FMN2: variants seen among roughly 807,000 people sequenced by gnomAD.
FMN2 encodes the protein formin 2, also known as formin-2.
Under a neutral mutation model 142.3 loss-of-function variants are expected in FMN2, and 51 were observed. The observed-to-expected ratio is 0.36, with a 90% CI of 0.29 to 0.45. FMN2 has a LOEUF of 0.45. FMN2 is among the 20% of genes least tolerant of loss of function. The pLI, the probability that FMN2 is intolerant of heterozygous loss-of-function variation, is 1.00. For missense variants in FMN2, 1,936 were observed against 2,122.8 expected (o/e 0.91, Z 1.73); for synonymous variants, 882 against 869.8 (o/e 1.01, Z -0.25).
chr1:240,396,055 C>T lies in FMN2; in HGVS notation c.4910+3493C>T, dbSNP rs190605197. Among the ~76,000 whole-genome samples the T allele has an allele frequency of 1.6e-3, 250 of 152,248 alleles. 3 individuals carry two copies. The highest frequency in any genetic ancestry group is 0.01 in the Middle Eastern group (3 of 294). ...CCAATCAATCAGTAGTCATCAACAT[C>T]AAAAAGATATTAAGTCACTGAAGAC... On this transcript the variant is annotated intron_variant, in intron 15 of 17. Transcript: ENST00000319653.
chr1:240,231,506 C>T (rs971152478), intron 6 of FMN2, among the ~76,000 whole-genome samples: 5 of 151,984 alleles, frequency 3.3e-5, no homozygotes, highest in East Asian at 3.9e-4. Context: ...ATTATACCAT[C>T]GGCTAAATTA....
chr1:240,432,456 A>T (rs1244952847), intron 15 of FMN2, among the ~76,000 whole-genome samples: 1 of 151,720 alleles, frequency 6.6e-6, no homozygotes, highest in Non-Finnish European at 1.5e-5. Context: ...CCAACTTCTG[A>T]CTGAGTTGAT....
In FMN2 at chr1:240,130,969, A is replaced by G. The variant is rs547573676; in HGVS notation, c.1782+7624A>G. On this transcript the variant is annotated intron_variant, in intron 2 of 17. Transcript: ENST00000319653. The stretch of plus-strand genomic sequence containing the variant: ...ATTAGGAACACAAAGATGAAAAGAA[A>G]GGTTCTATCCTGAACTGGCTTACGA... 4.6e-5 allele frequency among the ~76,000 whole-genome samples: 7 copies of G among 152,262 alleles called. No homozygotes were observed. The South Asian group carries it at 1.0e-3, about 23-fold the overall frequency.
At chr1:240,157,531 A>G (rs1448495139) in intron 2 of FMN2, among the ~76,000 whole-genome samples, 1 of 152,138 alleles carries the variant, frequency 6.6e-6, no homozygotes, top group Non-Finnish European at 1.5e-5. Flanking sequence ...CCAGTCAATG[A>G]TTATAATAAC....
At chr1:240,200,159 G>A (rs992205972) in intron 4 of FMN2, among the ~76,000 whole-genome samples, 1 of 152,148 alleles carries the variant, frequency 6.6e-6, no homozygotes, top group Admixed American at 6.6e-5. Context: ...ACAACAGAGC[G>A]CCTGGCAGTC....
At chr1:240,460,543 C>A (rs753245004) in intron 16 of FMN2, among the ~76,000 whole-genome samples, 16 of 152,222 alleles carry the variant, frequency 1.1e-4, no homozygotes, top group Admixed American at 2.6e-4. Flanking sequence ...TGCCACTGCA[C>A]TCCTGCCTGG....
chr1:240,343,746 A>G (rs981806604), intron 13 of FMN2, among the ~76,000 whole-genome samples: 3 of 152,208 alleles, frequency 2.0e-5, no homozygotes, highest in Non-Finnish European at 4.4e-5. Context: ...ATTTGCAGCA[A>G]TCTGACATGA....
intron 14 of FMN2, among the ~76,000 whole-genome samples, chr1:240,390,485 T>G (rs1216991670): frequency 6.6e-6 from 1 of 152,256 alleles, no homozygotes; most frequent in Non-Finnish European, 1.5e-5. Flanking sequence ...AAACTTACTT[T>G]ATTCCACTAA....
chr1:240,224,563 G>A (rs545346996), intron 6 of FMN2, among the ~76,000 whole-genome samples: 19 of 152,186 alleles, frequency 1.2e-4, no homozygotes, highest in Admixed American at 7.2e-4. Context: ...TTTCTGTCTC[G>A]TTGATCTGTC....
chr1:240,234,590 A>G (rs1667635341), intron 6 of FMN2, among the ~76,000 whole-genome samples: 1 of 152,176 alleles, frequency 6.6e-6, no homozygotes, highest in African/African-American at 2.4e-5. Flanking sequence ...TTGGACAATA[A>G]CCACATGATT....
Position 240,232,288 on chromosome 1 carries a change from C to G in FMN2, c.4065+21053C>G, listed in dbSNP as rs376261829. 5.6e-5 allele frequency among the ~76,000 whole-genome samples: 8 copies of G among 141,964 alleles called. No individual in the cohort carries two copies. The East Asian group carries it at 1.7e-3, about 29-fold the overall frequency. 93.1% of individuals were successfully genotyped at this position (141,964 alleles called of 152,430 possible). A position where few individuals can be genotyped will look rare whatever the true frequency, so the allele number is the denominator to read the frequency against. On this transcript the variant is annotated intron_variant, in intron 6 of 17. Coordinates refer to ENST00000319653, the MANE Select transcript of FMN2 (RefSeq NM_020066.5). ...TTTTTTTTAAGTAGAGACAGGGTTTCACAATGTTGGCCAGGATGGTCTCGA... is the reference window on the plus strand; with the variant it reads ...TTTTTTTTAAGTAGAGACAGGGTTTGACAATGTTGGCCAGGATGGTCTCGA...
At chr1:240,423,780 T>A (rs1437951667) in intron 15 of FMN2, among the ~76,000 whole-genome samples, 3 of 152,214 alleles carry the variant, frequency 2.0e-5, no homozygotes, top group Non-Finnish European at 4.4e-5. Flanking sequence ...CACGAGTCCC[T>A]TCATGTCTAC....
chr1:240,137,057 G>C (rs1356319423), intron 2 of FMN2, among the ~76,000 whole-genome samples: 1 of 106,664 alleles, frequency 9.4e-6, no homozygotes, highest in East Asian at 3.1e-4. Flanking sequence ...GTGACAGAGT[G>C]AAACTCCGTC....
intron 13 of FMN2, among the ~76,000 whole-genome samples, chr1:240,340,845 C>G (rs1002847389): frequency 6.6e-6 from 1 of 152,028 alleles, no homozygotes. Flanking sequence ...TTGTATTGCT[C>G]TGTACTTAGA....
chr1:240,129,030 C>T (rs983790248), intron 2 of FMN2, among the ~76,000 whole-genome samples: 6 of 151,982 alleles, frequency 3.9e-5, no homozygotes, highest in South Asian at 4.2e-4. Context: ...GGCACCACGA[C>T]GCCGAGCTAA....
intron 7 of FMN2, among the ~76,000 whole-genome samples, chr1:240,293,342 T>C (rs1669855071): frequency 6.6e-6 from 1 of 152,142 alleles, no homozygotes; most frequent in Non-Finnish European, 1.5e-5. Flanking sequence ...TTTATAGTTT[T>C]CTTATCATGT....
In FMN2 at chr1:240,092,175, C is replaced by A. The variant is rs1660995672; in HGVS notation, c.66C>A (p.Gly22=). The change falls in exon 1 of 18, where the codon GGC becomes GGA. Residue 22 remains glycine, a synonymous_variant. Transcript: ENST00000319653. ...AGDALHEGGG[G]AEDALGPRDV... ...ATGCTTTGCACGAAGGCGGCGGTGG[C>A]GCCGAGGATGCGCTGGGGCCCAGGG... is the stretch of plus-strand genomic sequence containing the variant. 1.3e-6 allele frequency: 2 copies of A among 1,577,190 alleles called. No individual in the cohort carries two copies. Among genetic ancestry groups the A allele is most frequent in the Non-Finnish European group, 1.7e-6 (2 of 1,162,576 alleles).
At chr1:240,436,708 C>T (rs991865399) in intron 15 of FMN2, among the ~76,000 whole-genome samples, 3 of 151,298 alleles carry the variant, frequency 2.0e-5, no homozygotes, top group African/African-American at 7.3e-5. Flanking sequence ...TTTTAATGCT[C>T]AAACTGTTTT....
In FMN2 at chr1:240,207,317, C is replaced by A. The variant is rs765036971; in HGVS notation, c.2505C>A (p.Thr835=). The change falls in exon 5 of 18, where the codon ACC becomes ACA. Residue 835 remains threonine (T), a synonymous_variant. Transcript: ENST00000319653. ...CACAGCCGCCCCATTCTATTTCTAC[C>A]GAGTTTCAAACCAGCCACGAACACT... ...PGSQPPHSIS[T]EFQTSHEHSV... The A allele has an allele frequency of 2.5e-6, 4 of 1,613,782 alleles. No individual in the cohort carries two copies. Among genetic ancestry groups the A allele is most frequent in the Non-Finnish European group, 3.4e-6 (4 of 1,179,840 alleles).
Sources: gnomAD v4.1 joint callset for allele counts (sites outside exome capture counted in the v4.1 genomes callset) on GRCh38, gnomAD v4.1.1 for gene constraint, MANE v1.5 for transcripts, NCBI Gene and HGNC (gene_info 2026-07-23, HGNC 2026-07-21) for gene names.